CYP3A7: variants seen among roughly 807,000 people sequenced by gnomAD.
CYP3A7 encodes cytochrome P450 3A7.
A neutral mutation model predicts 55.2 loss-of-function variants in CYP3A7; 45 were observed. The ratio of observed to expected loss-of-function variants is 0.82; its 90% CI spans 0.64 to 1.05. The LOEUF (loss-of-function observed/expected upper bound fraction) is 1.05. CYP3A7 is among the 50% of genes least tolerant of loss of function. The probability of loss-of-function intolerance (pLI) is 0.00; values close to 1 mark genes in which losing one functional copy is unlikely to be tolerated. For missense variants in CYP3A7, 548 were observed against 605.3 expected (o/e 0.91, Z 0.99); for synonymous variants, 180 against 207.4 (o/e 0.87, Z 1.13).
intron 5 of CYP3A7, 93 bp downstream of exon 5, chr7:99,717,433 A>C: frequency 6.3e-7 from 1 of 1,584,374 alleles, no homozygotes; most frequent in Non-Finnish European, 8.6e-7. Flanking sequence ...TCAGCAGACT[A>C]CTCCTCGGAA....
At chr7:99,713,325 G>A (rs1314012354) in intron 9 of CYP3A7, 144 bp downstream of exon 9, 4 of 1,297,858 alleles carry the variant, frequency 3.1e-6, no homozygotes, top group Non-Finnish European at 4.3e-6. Context: ...GTTGCCTCCA[G>A]CTACCATTTT....
chr7:99,715,372 C>G (rs1452741026), intron 7 of CYP3A7: 2 of 258,544 alleles, frequency 7.7e-6, no homozygotes, highest in Non-Finnish European at 1.5e-5. Context: ...GAAGGGCAAA[C>G]TAAGCCTGAA....
At chr7:99,717,454 A>T (rs1814003072) in intron 5 of CYP3A7, 72 bp downstream of exon 5, 2 of 1,598,220 alleles carry the variant, frequency 1.3e-6, no homozygotes, top group Middle Eastern at 1.7e-4. Flanking sequence ...AGGAACTCTG[A>T]TCTTACTTTC....
chr7:99,706,377 G>A (rs1813523596), intron 12 of CYP3A7, among the ~76,000 whole-genome samples: 1 of 152,178 alleles, frequency 6.6e-6, no homozygotes. Context: ...CCTTCTCTCA[G>A]GGCTGAGTCT....
chr7:99,719,955 C>A (rs1814124683), intron 4 of CYP3A7, among the ~76,000 whole-genome samples: 1 of 152,172 alleles, frequency 6.6e-6, no homozygotes, highest in Non-Finnish European at 1.5e-5. Context: ...CAAGACCACA[C>A]CACTGTACTC....
chr7:99,720,274 A>C, intron 4 of CYP3A7, 39 bp downstream of exon 4: 1 of 1,608,820 alleles, frequency 6.2e-7, no homozygotes. Context: ...AAATTTAATC[A>C]ATCAATGAGT....
At chr7:99,708,513 T>C (rs534620354) in intron 11 of CYP3A7, among the ~76,000 whole-genome samples, 17 of 152,152 alleles carry the variant, frequency 1.1e-4, no homozygotes, top group South Asian at 8.3e-4. Context: ...CCATCTCTCC[T>C]TCTTTCTCCC....
chr7:99,706,578 A>T (rs761307164), intron 12 of CYP3A7, among the ~76,000 whole-genome samples: 3 of 152,244 alleles, frequency 2.0e-5, no homozygotes, highest in Non-Finnish European at 2.9e-5. Context: ...GCTTAATATG[A>T]ATCAATGACA....
chr7:99,716,445 C>T (rs187775685), intron 6 of CYP3A7, among the ~76,000 whole-genome samples: 12 of 152,304 alleles, frequency 7.9e-5, no homozygotes, highest in East Asian at 1.9e-4. Flanking sequence ...CCACTATCCC[C>T]AGCTGTGGTG....
intron 4 of CYP3A7, among the ~76,000 whole-genome samples, chr7:99,718,975 C>T (rs1200971934): frequency 1.3e-5 from 2 of 152,148 alleles, no homozygotes; most frequent in Non-Finnish European, 2.9e-5. Flanking sequence ...ATGCTGAAAA[C>T]TACAAATTGC....
intron 7 of CYP3A7, 93 bp from the exon 8 acceptor site, chr7:99,714,775 G>A: frequency 6.4e-7 from 1 of 1,560,180 alleles, no homozygotes; most frequent in Non-Finnish European, 8.6e-7. Context: ...AATCAGAAGA[G>A]TGAAATACAT....
chr7:99,722,136 C>T (rs1295189578), intron 3 of CYP3A7, among the ~76,000 whole-genome samples, 160 bp downstream of exon 3: 2 of 152,172 alleles, frequency 1.3e-5, no homozygotes, highest in Admixed American at 6.5e-5. Flanking sequence ...ATACTCTTCT[C>T]CCAAATACAT....
chr7:99,725,985 T>C (rs1469010345), intron 2 of CYP3A7, among the ~76,000 whole-genome samples: 2 of 152,192 alleles, frequency 1.3e-5, no homozygotes, highest in East Asian at 3.9e-4. Flanking sequence ...CATTCTTTTA[T>C]GCACTCCTTT....
chr7:99,728,440 A>C (rs1814498278), intron 2 of CYP3A7, among the ~76,000 whole-genome samples: 1 of 152,152 alleles, frequency 6.6e-6, no homozygotes, highest in African/African-American at 2.4e-5. Flanking sequence ...CAGTTGCCCC[A>C]TCAATCCCCA....
Position 99,707,874 on chromosome 7 carries a change from T to C in CYP3A7, c.1354A>G (p.Met452Val), listed in dbSNP as rs144444572. Residue 452 changes from methionine to valine, a missense_variant, in exon 12 of 13, where the codon ATG (methionine) becomes GTG (valine). Coordinates refer to ENST00000336374, the MANE Select transcript of CYP3A7 (RefSeq NM_000765.5). ...AGGACTCTGACTAGAGCAAGTTTCATGTTCACGAGAGCAAACCTCATGCCA... is the reference window on the plus strand; with the variant it reads ...AGGACTCTGACTAGAGCAAGTTTCACGTTCACGAGAGCAAACCTCATGCCA... The part of the protein sequence containing the change: ...CIGMRFALVN[M>V]KLALVRVLQN... 3.1e-6 allele frequency: 5 copies of C among 1,613,926 alleles called. No individual in the cohort carries two copies. In the South Asian group the frequency reaches 3.3e-5, roughly 11 times the overall value.
In CYP3A7 at chr7:99,713,469, C is replaced by T; in HGVS notation, c.865G>A (p.Ala289Thr). ...GCCCTCAGAAGCACTCTTTTGTTAC[C>T]TTTGTGGGTCTCAGAGTCTTTTGAA... ...QNSKDSETHKALSDLELMAQS... is the reference protein window; with the variant it reads ...QNSKDSETHKTLSDLELMAQS... Residue 289 changes from alanine to threonine, a missense_variant and splice_region_variant, in exon 9 of 13, where the codon GCT becomes ACT. Transcript: ENST00000336374. 1 of 1,613,374 alleles carries T rather than the reference C, an allele frequency of 6.2e-7. No individual in the cohort carries two copies. Among genetic ancestry groups the T allele is most frequent in the South Asian group, 1.1e-5 (1 of 91,074 alleles).
chr7:99,705,344 G>C lies in CYP3A7; in HGVS notation c.*156C>G. 1 of 814,982 alleles carries C rather than the reference G, an allele frequency of 1.2e-6. No homozygotes were observed. The highest frequency in any genetic ancestry group is 2.8e-5 in the East Asian group (1 of 35,160). 50.5% of individuals were successfully genotyped at this position (814,982 alleles called of 1,614,324 possible). A position where few individuals can be genotyped will look rare whatever the true frequency, so the allele number is the denominator to read the frequency against. On this transcript the variant is annotated 3_prime_UTR_variant, in exon 13 of 13. Coordinates refer to ENST00000336374, the MANE Select transcript of CYP3A7 (RefSeq NM_000765.5). ...GTATAACACTCTATACAGACCATGA[G>C]AGAGCACAATGCACGTACAGAATCC...
At chr7:99,706,009 G>T (rs1332217866) in intron 12 of CYP3A7, among the ~76,000 whole-genome samples, 1 of 152,172 alleles carries the variant, frequency 6.6e-6, no homozygotes, top group Admixed American at 6.5e-5. Flanking sequence ...ATCCTGAGTA[G>T]CTATTGTACA....
At chr7:99,709,540 T>C (rs1216168831) in intron 10 of CYP3A7, among the ~76,000 whole-genome samples, 1 of 152,164 alleles carries the variant, frequency 6.6e-6, no homozygotes, top group Non-Finnish European at 1.5e-5. Context: ...TTTTTCTTTC[T>C]CATGGAAGCA....
Sources: allele counts gnomAD v4.1 joint callset (sites outside exome capture counted in the v4.1 genomes callset), GRCh38; gene constraint gnomAD v4.1.1; transcripts MANE v1.5; gene names NCBI Gene and HGNC (gene_info 2026-07-23, HGNC 2026-07-21).